The following OR10A2 variants were observed in gnomAD, a reference collection of about 807,000 sequenced individuals.
OR10A2 encodes the protein olfactory receptor 10A2.
Under a neutral mutation model 13.7 loss-of-function variants are expected in OR10A2, and 15 were observed. The observed-to-expected ratio is 1.10, with a 90% CI of 0.73 to 1.69. The LOEUF is 1.69. Among genes scored for constraint, OR10A2 ranks in the 40% most tolerant of loss-of-function variants. The pLI, the probability that OR10A2 is intolerant of heterozygous loss-of-function variation, is 0.00. For synonymous variants in OR10A2, 145 were observed against 144.7 expected, an observed-to-expected ratio of 1.00 and a Z score of -0.02; for missense variants, 343 against 361.1, an observed-to-expected ratio of 0.95 and a Z score of 0.41.
chr11:6,869,482 C>T, intron 1 of OR10A2, 141 bp from the exon 2 acceptor site: 1 of 456,584 alleles, frequency 2.2e-6, no homozygotes, highest in East Asian at 3.7e-5. Context: ...AAGGTGTGAA[C>T]AGAAATATCA....
At position 6,870,456 on chromosome 11, in the gene OR10A2, T is replaced by C; in HGVS notation, c.702T>C (p.Val234=). ...CTACATGTTCCTCACACCTCCTTGT[T>C]GTCTCTCTTTTCTATATATCATTAA... ...AFSTCSSHLL[V]VSLFYISLSL... Residue 234 remains valine, a synonymous_variant, in exon 2 of 2, where the codon GTT becomes GTC. Coordinates refer to ENST00000641461, the MANE Select transcript of OR10A2 (RefSeq NM_001004460.2). 1 of 1,614,202 alleles carries C rather than the reference T, an allele frequency of 6.2e-7. No homozygotes were observed. Among genetic ancestry groups the C allele is most frequent in the Non-Finnish European group, 8.5e-7 (1 of 1,180,010 alleles).
At position 6,870,813 on chromosome 11, in the gene OR10A2, A is replaced by G; in HGVS notation, c.*147A>G. The G allele has an allele frequency of 1.6e-6, 1 of 640,120 alleles. No homozygotes were observed. The highest frequency in any genetic ancestry group is 2.6e-6 in the Non-Finnish European group (1 of 378,970). 39.7% of individuals were successfully genotyped at this position (640,120 alleles called of 1,614,324 possible). A position where few individuals can be genotyped will look rare whatever the true frequency, so the allele number is the denominator to read the frequency against. ...GAAAGCTGAGTGGAGAGAAAGGAGCAGAGAAGTAGTTTCGACCTAGCACCA... is the reference window on the plus strand; with the variant it reads ...GAAAGCTGAGTGGAGAGAAAGGAGCGGAGAAGTAGTTTCGACCTAGCACCA... On this transcript the variant is annotated 3_prime_UTR_variant, in exon 2 of 2. Transcript: ENST00000641461.
intron 1 of OR10A2, among the ~76,000 whole-genome samples, chr11:6,869,182 T>A (rs926292967): frequency 2.6e-5 from 4 of 152,222 alleles, no homozygotes; most frequent in African/African-American, 9.6e-5. Context: ...CATATGTAAA[T>A]GGTCCTCAAT....
rs1051754971 is a variant in OR10A2 at position 6,871,661 on chromosome 11, T to A, written c.*995T>A. 6.6e-6 allele frequency: 1 copy of A among 152,192 alleles called. No homozygotes were observed. The highest frequency in any genetic ancestry group is 1.5e-5 in the Non-Finnish European group (1 of 68,036). 9.4% of individuals were successfully genotyped at this position (152,192 alleles called of 1,614,324 possible). The stretch of plus-strand genomic sequence containing the variant: ...GTTCTTATGTTTTGTTGAAGTAATA[T>A]CGTAAATTTCAGTCATAGCTTTGCT... On this transcript the variant is annotated 3_prime_UTR_variant, in exon 2 of 2. Transcript: ENST00000641461.
At chr11:6,865,746 T>C (rs1848374636) in intron 1 of OR10A2, among the ~76,000 whole-genome samples, 1 of 152,194 alleles carries the variant, frequency 6.6e-6, no homozygotes, top group South Asian at 2.1e-4. Flanking sequence ...TTTTTATCAG[T>C]TTTTTATGTG....
In OR10A2 at chr11:6,869,614, C is replaced by T. The variant is rs1848407484; in HGVS notation, c.-132-9C>T. ...CCTGAGGTGCTGACCTTGCCTCTTT[C>T]CCTGACAGTAAGAACGAGTCTGAAA... On this transcript the variant is annotated splice_polypyrimidine_tract_variant and intron_variant, in intron 1 of 1. Coordinates refer to ENST00000641461, the MANE Select transcript of OR10A2 (RefSeq NM_001004460.2). 1.3e-6 allele frequency: 1 copy of T among 787,818 alleles called. No homozygotes were observed. Among genetic ancestry groups the T allele is most frequent in the African/African-American group, 1.7e-5 (1 of 58,156 alleles). The allele number at this position is 787,818 out of a possible 1,614,324, so 48.8% of individuals were successfully genotyped here.
rs1230935134 is a variant in OR10A2 at position 6,873,178 on chromosome 11, A to C, written c.*2512A>C. 6.6e-6 allele frequency: 1 copy of C among 152,128 alleles called. No homozygotes were observed. Among genetic ancestry groups the C allele is most frequent in the Non-Finnish European group, 1.5e-5 (1 of 68,026 alleles). 9.4% of individuals were successfully genotyped at this position (152,128 alleles called of 1,614,324 possible). A position where few individuals can be genotyped will look rare whatever the true frequency, so the allele number is the denominator to read the frequency against. ...TTATGTAATGCAAACCTTTACATTAAAAATATTATGGGGAAGTAGGGCTAG... is the reference window on the plus strand; with the variant it reads ...TTATGTAATGCAAACCTTTACATTACAAATATTATGGGGAAGTAGGGCTAG... On this transcript the variant is annotated 3_prime_UTR_variant, in exon 2 of 2. Transcript: ENST00000641461.
chr11:6,869,862 C>G lies in OR10A2; in HGVS notation c.108C>G (p.Thr36=), dbSNP rs745589918. The G allele has an allele frequency of 5.0e-6, 8 of 1,614,124 alleles. No individual in the cohort carries two copies. Among genetic ancestry groups the G allele is most frequent in the East Asian group, 2.2e-5 (1 of 44,888 alleles). The stretch of plus-strand genomic sequence containing the variant: ...GAAACTGCCTCATCATTCTGGTTAC[C>G]CTAGCTGACCCCATGCTACACAGCC... The part of the protein sequence containing the change: ...LMGNCLIILV[T]LADPMLHSPM... The change falls in exon 2 of 2, where the codon ACC becomes ACG. Residue 36 remains threonine, a synonymous_variant. Coordinates refer to ENST00000641461, the MANE Select transcript of OR10A2 (RefSeq NM_001004460.2).
Position 6,870,955 on chromosome 11 carries a change from T to TG in OR10A2, c.*289_*290insG. 5.0e-6 allele frequency: 1 copy of TG among 199,768 alleles called. No individual in the cohort carries two copies. The highest frequency in any genetic ancestry group is 5.3e-5 in the Admixed American group (1 of 18,864). The allele number at this position is 199,768 out of a possible 1,614,324, so 12.4% of individuals were successfully genotyped here. A position where few individuals can be genotyped will look rare whatever the true frequency, so the allele number is the denominator to read the frequency against. On this transcript the variant is annotated 3_prime_UTR_variant, in exon 2 of 2. Coordinates refer to ENST00000641461, the MANE Select transcript of OR10A2 (RefSeq NM_001004460.2). ...TTCCAGGTGTTATATTTCTTTTTTT[T>TG]TTTTTTTTTGAGACGGAGTCTCGCT...
At chr11:6,864,493 G>A (rs989010470) in intron 1 of OR10A2, among the ~76,000 whole-genome samples, 36 of 152,112 alleles carry the variant, frequency 2.4e-4, no homozygotes, top group Admixed American at 6.6e-5. Context: ...TTTATACTAT[G>A]GAGAAGTTTA....
Position 6,872,706 on chromosome 11 carries a change from T to C in OR10A2, c.*2040T>C, listed in dbSNP as rs1354836444. On this transcript the variant is annotated 3_prime_UTR_variant, in exon 2 of 2. Transcript: ENST00000641461. ...TCTTGCTATGCTACCCAGTCTGGTATCGAACTTCTGAGTTCAAGCAATCCT... is the reference window on the plus strand; with the variant it reads ...TCTTGCTATGCTACCCAGTCTGGTACCGAACTTCTGAGTTCAAGCAATCCT... 1 of 152,270 alleles carries C rather than the reference T, an allele frequency of 6.6e-6. No individual in the cohort carries two copies. The highest frequency in any genetic ancestry group is 6.5e-5 in the Admixed American group (1 of 15,282). The allele number at this position is 152,270 out of a possible 1,614,324, so 9.4% of individuals were successfully genotyped here.
rs1848456105 is a variant in OR10A2, at chr11:6,873,483, C to T, written c.*2817C>T. The T allele has an allele frequency of 6.6e-6, 1 of 152,126 alleles. No homozygotes were observed. The highest frequency in any genetic ancestry group is 2.1e-4 in the South Asian group (1 of 4,824). The allele number at this position is 152,126 out of a possible 1,614,324, so 9.4% of individuals were successfully genotyped here. The stretch of plus-strand genomic sequence containing the variant: ...TTTGAAGTAAAGCAAACAAGAATAA[C>T]CCAAAACCTAAAGAAAAAGTTGTAC... On this transcript the variant is annotated 3_prime_UTR_variant, in exon 2 of 2. Transcript: ENST00000641461.
intron 1 of OR10A2, among the ~76,000 whole-genome samples, chr11:6,868,272 C>A (rs1382894700): frequency 6.6e-6 from 1 of 152,030 alleles, no homozygotes; most frequent in African/African-American, 2.4e-5. Context: ...TTAAACATAA[C>A]CTTGAAGTTC....
At position 6,870,539 on chromosome 11, in the gene OR10A2, C is replaced by A. The variant is rs775976566; in HGVS notation, c.785C>A (p.Ser262Ter). The A allele has an allele frequency of 7.4e-6, 12 of 1,614,080 alleles. No individual in the cohort carries two copies. Among genetic ancestry groups the A allele is most frequent in the Non-Finnish European group, 8.5e-6 (10 of 1,179,912 alleles). Residue 262 changes from serine to a stop codon, truncating the protein, a stop_gained, in exon 2 of 2, where the codon TCA becomes TAA. Transcript: ENST00000641461. LOFTEE classifies it high-confidence loss of function. The stretch of plus-strand genomic sequence containing the variant: ...TCACCTGAGGGCAAGAAGCTGCTAT[C>A]ATTGTCCTACACTGTTATGACTCCC... ...NNSPEGKKLL[S>*]LSYTVMTPML...
intron 1 of OR10A2, among the ~76,000 whole-genome samples, chr11:6,864,075 C>A (rs1215588964): frequency 1.3e-5 from 2 of 152,154 alleles, no homozygotes; most frequent in African/African-American, 4.8e-5. Context: ...ATTGGACACC[C>A]CTGTTCTAGA....
Position 6,870,441 on chromosome 11 carries a change from C to T in OR10A2, c.687C>T (p.Ser229=). ...AGAATAAAGCCTTTTCTACATGTTCCTCACACCTCCTTGTTGTCTCTCTTT... is the reference window on the plus strand; with the variant it reads ...AGAATAAAGCCTTTTCTACATGTTCTTCACACCTCCTTGTTGTCTCTCTTT... ...KGKNKAFSTC[S]SHLLVVSLFY... is the part of the protein sequence containing the mutation. Residue 229 remains serine, a synonymous_variant, in exon 2 of 2, where the codon TCC becomes TCT. Coordinates refer to ENST00000641461, the MANE Select transcript of OR10A2 (RefSeq NM_001004460.2). 1.9e-6 allele frequency: 3 copies of T among 1,614,180 alleles called. No individual in the cohort carries two copies. The highest frequency in any genetic ancestry group is 2.5e-6 in the Non-Finnish European group (3 of 1,180,036).
intron 1 of OR10A2, among the ~76,000 whole-genome samples, chr11:6,864,709 CA>C (rs1446075876): frequency 6.6e-6 from 1 of 151,642 alleles, no homozygotes; most frequent in Non-Finnish European, 1.5e-5. Flanking sequence ...CAGAGGCAAG[CA>C]AAAAGAACTC....
rs10839633 is a variant in OR10A2 at position 6,874,113 on chromosome 11, G to A, written c.*3447G>A. ...CTCTTATCATTGTTTCAGTCCGTGT[G>A]AATTGTATGATGCTATATTATATTC... On this transcript the variant is annotated 3_prime_UTR_variant, in exon 2 of 2. Coordinates refer to ENST00000641461, the MANE Select transcript of OR10A2 (RefSeq NM_001004460.2). 2.0e-5 allele frequency: 3 copies of A among 152,190 alleles called. No individual in the cohort carries two copies. The South Asian group carries it at 6.2e-4, about 32-fold the overall frequency. The allele number at this position is 152,190 out of a possible 1,614,324, so 9.4% of individuals were successfully genotyped here. A position where few individuals can be genotyped will look rare whatever the true frequency, so the allele number is the denominator to read the frequency against.
chr11:6,868,093 A>T (rs879797608), intron 1 of OR10A2, among the ~76,000 whole-genome samples: 5 of 152,150 alleles, frequency 3.3e-5, no homozygotes, highest in Admixed American at 6.5e-5. Context: ...TCTTTTCATC[A>T]TTGGTTCTTT....
Sources: gnomAD v4.1 joint callset for allele counts (sites outside exome capture counted in the v4.1 genomes callset) on GRCh38, gnomAD v4.1.1 for gene constraint, MANE v1.5 for transcripts, NCBI Gene and HGNC (gene_info 2026-07-23, HGNC 2026-07-21) for gene names.